Variants in WSCD1 observed in about 807,000 individuals in gnomAD.
WSCD1 encodes the protein WSC domain sialate O sulfotransferase 1.
In WSCD1, 41 loss-of-function variants were observed where a neutral mutation model predicts 60.4. That is an observed-to-expected ratio of 0.68 (90% CI 0.53 to 0.88). The LOEUF is 0.88. Among genes scored for constraint, WSCD1 ranks in the 40% least tolerant of loss-of-function variants. The pLI is 0.00. For synonymous variants in WSCD1, 361 were observed against 332.5 expected, an observed-to-expected ratio of 1.09 and a Z score of -0.93; for missense variants, 784 against 796.2, an observed-to-expected ratio of 0.98 and a Z score of 0.18.
chr17:6,095,551 G>A (rs1597360883), intron 5 of WSCD1, among the ~76,000 whole-genome samples: 1 of 152,344 alleles, frequency 6.6e-6, no homozygotes, highest in Middle Eastern at 3.4e-3. Flanking sequence ...ATGCTGGCTC[G>A]GGACTTGGGG....
rs1908466418 is a variant in WSCD1, at chr17:6,070,526, G to GCGGC, written c.-411_-408dup. 6.8e-6 allele frequency: 1 copy of GCGGC among 147,524 alleles called. No individual in the cohort carries two copies. Among genetic ancestry groups the GCGGC allele is most frequent in the African/African-American group, 2.4e-5 (1 of 40,968 alleles). 9.1% of individuals were successfully genotyped at this position (147,524 alleles called of 1,614,324 possible). ...GGGCGCGTGGGTCCGCTTGCCGCGG[G>GCGGC]CGGCCGGAGACGTGCGGGCGCCGGG... On this transcript the variant is annotated 5_prime_UTR_variant, in exon 1 of 9. Transcript: ENST00000317744.
chr17:6,072,223 C>T (rs1181298147), intron 1 of WSCD1, among the ~76,000 whole-genome samples: 3 of 152,274 alleles, frequency 2.0e-5, no homozygotes, highest in African/African-American at 7.2e-5. Context: ...GAAGGCCAGA[C>T]TCCTGTCTCT....
At chr17:6,097,927 C>G (rs957206774) in intron 5 of WSCD1, among the ~76,000 whole-genome samples, 11 of 150,892 alleles carry the variant, frequency 7.3e-5, no homozygotes, top group African/African-American at 2.7e-4. Context: ...CTTTGTGTAC[C>G]TCATTAGGGC....
At chr17:6,082,419 C>T (rs1467503298) in intron 2 of WSCD1, among the ~76,000 whole-genome samples, 1 of 152,194 alleles carries the variant, frequency 6.6e-6, no homozygotes, top group Non-Finnish European at 1.5e-5. Context: ...CTCAAAGGAC[C>T]CGCTGGAAGT....
At chr17:6,106,772 C>A (rs1911108840) in intron 5 of WSCD1, among the ~76,000 whole-genome samples, 1 of 151,950 alleles carries the variant, frequency 6.6e-6, no homozygotes, top group Non-Finnish European at 1.5e-5. Context: ...GAAGGGTTTG[C>A]AACTTGAAAA....
intron 5 of WSCD1, among the ~76,000 whole-genome samples, chr17:6,097,121 G>A (rs1372211560): frequency 1.3e-5 from 2 of 152,246 alleles, no homozygotes; most frequent in Non-Finnish European, 2.9e-5. Context: ...CAGAGCGGCC[G>A]GCTTTGCAGC....
rs1904435176 is a variant in WSCD1 at position 6,118,369 on chromosome 17, C to G, written c.1375+181C>G. On this transcript the variant is annotated intron_variant, in intron 8 of 8. Transcript: ENST00000317744. This position sits in a 1 kb window ranked among gnomAD's most constrained non-coding sequence, Gnocchi z 5.8. ...CTGCTGTGCCTGGGCTTGAGTTCAC[C>G]TCCTCCCCTTGCCCCCCATGCCTGC... is the stretch of plus-strand genomic sequence containing the variant. Among the ~76,000 whole-genome samples, 1 of 152,184 alleles carries G rather than the reference C, an allele frequency of 6.6e-6. No individual in the cohort carries two copies. Among genetic ancestry groups the G allele is most frequent in the Non-Finnish European group, 1.5e-5 (1 of 68,032 alleles).
intron 2 of WSCD1, among the ~76,000 whole-genome samples, chr17:6,086,930 C>T (rs1885509054): frequency 6.6e-6 from 1 of 152,228 alleles, no homozygotes; most frequent in African/African-American, 2.4e-5. Context: ...GGGCATGTTA[C>T]TTCCCAGAGA....
chr17:6,098,101 C>T (rs1910560360), intron 5 of WSCD1, among the ~76,000 whole-genome samples: 1 of 145,374 alleles, frequency 6.9e-6, no homozygotes, highest in African/African-American at 2.6e-5. Flanking sequence ...CAGGCACACA[C>T]TACCATGCCC....
In WSCD1 at chr17:6,120,501, A is replaced by G. The variant is rs370579637; in HGVS notation, c.1568A>G (p.Asn523Ser). 1 of 1,613,822 alleles carries G rather than the reference A, an allele frequency of 6.2e-7. No homozygotes were observed. Among genetic ancestry groups the G allele is most frequent in the Non-Finnish European group, 8.5e-7 (1 of 1,180,020 alleles). Reference protein sequence around the residue: ...SEERLLCVENNKEGSFRRRGR... With the variant: ...SEERLLCVENSKEGSFRRRGR... ...GAGCGGCTGCTCTGCGTGGAGAACA[A>G]CAAGGAGGGCAGCTTCCGGCGGCGC... The change falls in exon 9 of 9, where the codon AAC becomes AGC. Residue 523 changes from asparagine to serine, a missense_variant. Physicochemically the swap from Asn to Ser is conservative, Grantham distance 46 (BLOSUM62 1). Transcript: ENST00000317744.
chr17:6,112,634 A>G (rs1487247924), intron 7 of WSCD1, among the ~76,000 whole-genome samples: 4 of 152,190 alleles, frequency 2.6e-5, no homozygotes, highest in Non-Finnish European at 5.9e-5. Flanking sequence ...ACATGCAAAA[A>G]TCAGTAGCAT....
rs374051253 is a variant in WSCD1, at chr17:6,106,769, T to C, written c.850-2838T>C. On this transcript the variant is annotated intron_variant, in intron 5 of 8. Coordinates refer to ENST00000317744, the MANE Select transcript of WSCD1 (RefSeq NM_015253.2). ...ATGTGGTGGTGATGGTGGGAAGGGT[T>C]TGCAACTTGAAAAGGGGGTGGCCAG... Among the ~76,000 whole-genome samples, 5 of 152,128 alleles carry C rather than the reference T, an allele frequency of 3.3e-5. No homozygotes were observed. In the East Asian group the frequency reaches 9.7e-4, roughly 29 times the overall value.
chr17:6,119,953 T>A (rs2040871138), intron 8 of WSCD1, among the ~76,000 whole-genome samples: 2 of 152,204 alleles, frequency 1.3e-5, no homozygotes, highest in Non-Finnish European at 2.9e-5. Flanking sequence ...CGTCTGTGGC[T>A]TCACTGTATG....
At chr17:6,090,065 A>G (rs544150156) in intron 3 of WSCD1, among the ~76,000 whole-genome samples, 2 of 152,304 alleles carry the variant, frequency 1.3e-5, no homozygotes, top group East Asian at 1.9e-4. Flanking sequence ...GCCAGGTAGC[A>G]AGGAGTTATC....
intron 2 of WSCD1, among the ~76,000 whole-genome samples, chr17:6,082,513 C>T (rs1909347052): frequency 2.0e-5 from 3 of 152,164 alleles, no homozygotes; most frequent in African/African-American, 7.2e-5. Flanking sequence ...CAGTCTGGCT[C>T]CGGGTTGGAG....
intron 5 of WSCD1, among the ~76,000 whole-genome samples, chr17:6,096,069 G>A (rs1220814819): frequency 6.6e-6 from 1 of 152,216 alleles, no homozygotes; most frequent in African/African-American, 2.4e-5. Flanking sequence ...ATCAACAGAA[G>A]CTGCCATTCG....
chr17:6,076,967 G>A (rs550930917), intron 1 of WSCD1, among the ~76,000 whole-genome samples: 1 of 152,324 alleles, frequency 6.6e-6, no homozygotes, highest in African/African-American at 2.4e-5. Flanking sequence ...GATAAACGAG[G>A]TGTGGTCTGT....
chr17:6,088,786 CTT>C (rs35155693), intron 3 of WSCD1, among the ~76,000 whole-genome samples: 7 of 139,510 alleles, frequency 5.0e-5, no homozygotes, highest in African/African-American at 8.0e-5. Context: ...TTTTTTTCAC[CTT>C]TTTTTTTTTT....
At chr17:6,069,774 G>GGT (rs746125445), upstream of WSCD1, among the ~76,000 whole-genome samples, 2,307 of 106,488 alleles carry the variant, frequency 0.022, 30 homozygotes, top group East Asian at 0.051. Flanking sequence ...ACGGTGATCC[G>GGT]GTGTGTGTGT....
Sources: gnomAD v4.1 joint callset for allele counts (sites outside exome capture counted in the v4.1 genomes callset) on GRCh38, gnomAD v4.1.1 for gene constraint, Gnocchi (gnomAD v3.1) non-coding constraint, MANE v1.5 for transcripts, NCBI Gene and HGNC (gene_info 2026-07-23, HGNC 2026-07-21) for gene names.